The following TMEM232 variants were observed in gnomAD, a reference collection of about 807,000 sequenced individuals.
TMEM232 encodes the protein transmembrane protein 232.
TMEM232 carries 80 observed loss-of-function variants against 78.8 expected under a neutral mutation model. That is an observed-to-expected ratio of 1.01 (90% CI 0.85 to 1.22). The LOEUF (loss-of-function observed/expected upper bound fraction) is 1.22. TMEM232 is among the 50% of genes most tolerant of loss of function. TMEM232 has a pLI of 0.00. For synonymous variants in TMEM232, 297 were observed against 254.3 expected (o/e 1.17, Z -1.60); for missense variants, 881 against 742.2 (o/e 1.19, Z -2.17).
At chr5:110,476,393 AAAG>A (rs1409394747) in intron 12 of TMEM232, among the ~76,000 whole-genome samples, 1 of 151,968 alleles carries the variant, frequency 6.6e-6, no homozygotes, top group African/African-American at 2.4e-5. Flanking sequence ...TTTACAAGTC[AAAG>A]AAAAGGACTC....
At chr5:110,636,055 T>C (rs1785780018) in intron 5 of TMEM232, among the ~76,000 whole-genome samples, 1 of 152,028 alleles carries the variant, frequency 6.6e-6, no homozygotes, top group Non-Finnish European at 1.5e-5. Context: ...AAATGTGGTG[T>C]ATATACACAA....
At chr5:110,509,338 G>C (rs773943118) in intron 12 of TMEM232, among the ~76,000 whole-genome samples, 1 of 152,030 alleles carries the variant, frequency 6.6e-6, no homozygotes, top group Non-Finnish European at 1.5e-5. Context: ...AGGAGGCTGA[G>C]AGGCAGGAGG....
intron 12 of TMEM232, among the ~76,000 whole-genome samples, chr5:110,449,782 A>G (rs769070401): frequency 5.3e-5 from 8 of 152,284 alleles, no homozygotes; most frequent in Middle Eastern, 3.4e-3. Context: ...GCCTTCCAAA[A>G]GCTTAGAATC....
chr5:110,423,289 A>G (rs1385826260), intron 13 of TMEM232, among the ~76,000 whole-genome samples: 4 of 152,166 alleles, frequency 2.6e-5, no homozygotes, highest in Non-Finnish European at 5.9e-5. Flanking sequence ...TAAAACATTG[A>G]GCAAGTAACT....
In TMEM232 at chr5:110,501,262, C is replaced by A. The variant is rs545377519; in HGVS notation, c.1703+27326G>T. 2.0e-5 allele frequency among the ~76,000 whole-genome samples: 3 copies of A among 152,234 alleles called. No individual in the cohort carries two copies. The East Asian group carries it at 5.8e-4, about 29-fold the overall frequency. On this transcript the variant is annotated intron_variant, in intron 12 of 13. Transcript: ENST00000455884. ...GCTGAAGAAGCACTTGGGCTAAAAA[C>A]AAATTCTAATCTGATGCATTAACCT...
At chr5:110,423,237 T>G (rs1222373819) in intron 13 of TMEM232, among the ~76,000 whole-genome samples, 4 of 152,130 alleles carry the variant, frequency 2.6e-5, no homozygotes, top group Non-Finnish European at 5.9e-5. Flanking sequence ...GAAAGTAGAT[T>G]TGGAGTAGGG....
intron 12 of TMEM232, chr5:110,513,981 G>C (rs187373109): frequency 6.9e-4 from 117 of 169,754 alleles, no homozygotes; most frequent in African/African-American, 2.7e-3. Context: ...CCCAATCTCT[G>C]GGCATTTTAA....
At chr5:110,665,446 G>A (rs1168810582) in intron 2 of TMEM232, among the ~76,000 whole-genome samples, 15 of 151,976 alleles carry the variant, frequency 9.9e-5, no homozygotes, top group African/African-American at 1.5e-4. Flanking sequence ...TCACAGTTCC[G>A]CATGGCTGGG....
chr5:110,611,850 T>C (rs1019081657), intron 8 of TMEM232, among the ~76,000 whole-genome samples: 1 of 152,084 alleles, frequency 6.6e-6, no homozygotes, highest in Admixed American at 6.6e-5. Context: ...GTTATGACAT[T>C]GGGAACAGAG....
chr5:110,419,258 T>C (rs866364014), downstream of TMEM232, among the ~76,000 whole-genome samples: 4 of 151,998 alleles, frequency 2.6e-5, no homozygotes, highest in African/African-American at 9.7e-5. Flanking sequence ...GGAACTTGCA[T>C]AGTCTCCATT....
intron 11 of TMEM232, among the ~76,000 whole-genome samples, chr5:110,556,928 G>A (rs1775157205): frequency 1.3e-5 from 2 of 152,134 alleles, no homozygotes. Context: ...CTCCAGTGAG[G>A]TTAAGGACAT....
At chr5:110,612,578 G>A (rs1263949866) in intron 8 of TMEM232, among the ~76,000 whole-genome samples, 1 of 152,114 alleles carries the variant, frequency 6.6e-6, no homozygotes, top group African/African-American at 2.4e-5. Context: ...TGAAAAGGAA[G>A]TGCCTTGCCG....
intron 12 of TMEM232, among the ~76,000 whole-genome samples, chr5:110,510,402 T>C (rs1561594580): frequency 1.3e-5 from 2 of 152,224 alleles, no homozygotes; most frequent in Admixed American, 1.3e-4. Context: ...TTTGGTATTT[T>C]CATCTCCTTC....
chr5:110,458,976 TCAAA>T (rs2149350713), intron 12 of TMEM232, among the ~76,000 whole-genome samples: 1 of 152,272 alleles, frequency 6.6e-6, no homozygotes, highest in African/African-American at 2.4e-5. Flanking sequence ...ATGTAGTATA[TCAAA>T]CAAAAATTAA....
intron 1 of TMEM232, among the ~76,000 whole-genome samples, chr5:110,692,534 G>C (rs534037511): frequency 6.6e-6 from 1 of 152,322 alleles, no homozygotes; most frequent in African/African-American, 2.4e-5. Context: ...AAGGAGGCAG[G>C]GAATTCCCTT....
chr5:110,605,236 A>C lies in TMEM232; in HGVS notation c.1149T>G (p.Ile383Met). The C allele has an allele frequency of 2.6e-6, 4 of 1,551,230 alleles. No homozygotes were observed. The highest frequency in any genetic ancestry group is 3.5e-6 in the Non-Finnish European group (4 of 1,146,728). Residue 383 changes from isoleucine to methionine, a missense_variant, in exon 10 of 14, where the codon ATT becomes ATG. Ile to Met is a conservative substitution (Grantham distance 10). Coordinates refer to ENST00000455884, the MANE Select transcript of TMEM232 (RefSeq NM_001039763.4). ...GTGAACTTTTACAGTGACAGAAACC[A>C]ATTAAAGCAGTTTTTCGCAAATCAG... The part of the protein sequence containing the change: ...ATSDLRKTAL[I>M]GFCHCKSSQK...
At chr5:110,738,109 AC>A, upstream of TMEM232, 4 of 642,968 alleles carry the variant, frequency 6.2e-6, no homozygotes, top group South Asian at 6.3e-5. Context: ...CGAGAACTGC[AC>A]GTCAGAGTTC....
intron 5 of TMEM232, chr5:110,628,937 A>G (rs575918998): frequency 6.6e-6 from 1 of 152,208 alleles, no homozygotes; most frequent in African/African-American, 2.4e-5. Flanking sequence ...CTCTATCATT[A>G]CTAATAAATT....
intron 12 of TMEM232, among the ~76,000 whole-genome samples, chr5:110,483,746 TAATAAA>T (rs1282844726): frequency 6.7e-6 from 1 of 149,328 alleles, no homozygotes; most frequent in Non-Finnish European, 1.5e-5. Flanking sequence ...ACTTAAAGTA[TAATAAA>T]AAAAAAAGAA....
Sources: gnomAD v4.1 joint callset for allele counts (sites outside exome capture counted in the v4.1 genomes callset) on GRCh38, gnomAD v4.1.1 for gene constraint, MANE v1.5 for transcripts, NCBI Gene and HGNC (gene_info 2026-07-23, HGNC 2026-07-21) for gene names.